Variants in PPFIBP1 observed in about 807,000 individuals in gnomAD.
The protein encoded by PPFIBP1 is PPFIB scaffold protein 1.
A neutral mutation model predicts 137.8 loss-of-function variants in PPFIBP1; 112 were observed. The ratio of observed to expected loss-of-function variants is 0.81; its 90% CI spans 0.70 to 0.95. The LOEUF is 0.95. Among genes scored for constraint, PPFIBP1 ranks in the 40% least tolerant of loss-of-function variants. The pLI is 0.00. For synonymous variants in PPFIBP1, 378 were observed against 417.3 expected, an observed-to-expected ratio of 0.91 and a Z score of 1.15; for missense variants, 1,083 against 1,196.6, an observed-to-expected ratio of 0.91 and a Z score of 1.40.
intron 2 of PPFIBP1, among the ~76,000 whole-genome samples, chr12:27,629,220 A>G (rs1175420555): frequency 6.6e-6 from 1 of 152,218 alleles, no homozygotes; most frequent in African/African-American, 2.4e-5. Context: ...TTCAACATTT[A>G]GCCAACAATG....
intron 6 of PPFIBP1, among the ~76,000 whole-genome samples, chr12:27,648,765 C>T (rs1359739737): frequency 1.3e-5 from 2 of 152,220 alleles, no homozygotes; most frequent in East Asian, 1.9e-4. Context: ...AAACATCTCA[C>T]GTTCTTACTT....
intron 1 of PPFIBP1, among the ~76,000 whole-genome samples, chr12:27,574,366 T>C (rs2050391336): frequency 6.6e-6 from 1 of 152,088 alleles, no homozygotes; most frequent in South Asian, 2.1e-4. Context: ...AGATTTAGAG[T>C]CTCTCTGCTA....
At chr12:27,654,857 C>A in intron 8 of PPFIBP1, 43 bp downstream of exon 8, 1 of 1,584,880 alleles carries the variant, frequency 6.3e-7, no homozygotes, top group Non-Finnish European at 8.6e-7. Flanking sequence ...CAAATGGCAT[C>A]ACTATTCATC....
intron 22 of PPFIBP1, 109 bp downstream of exon 22, chr12:27,681,805 T>G: frequency 7.8e-7 from 1 of 1,290,046 alleles, no homozygotes; most frequent in South Asian, 1.6e-5. Flanking sequence ...CAGTAAAAAC[T>G]CTGTAAACAA....
chr12:27,554,758 C>A (rs920253242), intron 1 of PPFIBP1, among the ~76,000 whole-genome samples: 4 of 151,978 alleles, frequency 2.6e-5, no homozygotes, highest in African/African-American at 9.7e-5. Context: ...TGTCGGAGAT[C>A]CTACATCTGG....
At chr12:27,664,926 G>A (rs1000666778) in intron 12 of PPFIBP1, among the ~76,000 whole-genome samples, 2 of 152,126 alleles carry the variant, frequency 1.3e-5, no homozygotes, top group Admixed American at 6.5e-5. Context: ...GGTGGCCTAC[G>A]GCTGTAATCC....
intron 1 of PPFIBP1, among the ~76,000 whole-genome samples, chr12:27,541,449 A>G (rs2136013013): frequency 6.6e-6 from 1 of 152,224 alleles, no homozygotes; most frequent in Non-Finnish European, 1.5e-5. Flanking sequence ...AGCTGTGACT[A>G]CACCTGGCAA....
chr12:27,629,257 G>A (rs1300293564), intron 2 of PPFIBP1, among the ~76,000 whole-genome samples: 1 of 152,126 alleles, frequency 6.6e-6, no homozygotes, highest in African/African-American at 2.4e-5. Flanking sequence ...TTAAAATAAA[G>A]AACTTAAATG....
At chr12:27,641,518 A>G (rs911934091) in intron 4 of PPFIBP1, among the ~76,000 whole-genome samples, 1 of 152,232 alleles carries the variant, frequency 6.6e-6, no homozygotes, top group Non-Finnish European at 1.5e-5. Flanking sequence ...CATCACGTGC[A>G]TTTCTCTACT....
intron 24 of PPFIBP1, among the ~76,000 whole-genome samples, chr12:27,686,726 G>C (rs559866376): frequency 6.6e-6 from 1 of 152,220 alleles, no homozygotes; most frequent in African/African-American, 2.4e-5. Context: ...CCAAAATTAT[G>C]ATGTGCCTTA....
intron 2 of PPFIBP1, among the ~76,000 whole-genome samples, chr12:27,627,751 A>G (rs949923044): frequency 2.0e-5 from 3 of 151,736 alleles, no homozygotes; most frequent in Non-Finnish European, 2.9e-5. Flanking sequence ...ACCCCATTCA[A>G]ATCTGCTCTA....
intron 9 of PPFIBP1, 102 bp downstream of exon 9, chr12:27,656,832 A>G (rs2059229959): frequency 1.3e-6 from 1 of 780,422 alleles, no homozygotes; most frequent in Admixed American, 2.3e-5. Context: ...AGCATCAAAG[A>G]AAGAGCAGCA....
intron 2 of PPFIBP1, among the ~76,000 whole-genome samples, chr12:27,632,101 T>C (rs1449249796): frequency 1.3e-5 from 2 of 152,200 alleles, no homozygotes; most frequent in African/African-American, 4.8e-5. Flanking sequence ...ATGGTAGTGA[T>C]ATTTTTCACC....
rs76971014 is a variant in PPFIBP1, at chr12:27,669,510, C to T, written c.1147-1921C>T. Among the ~76,000 whole-genome samples, 396 of 152,092 alleles carry T rather than the reference C, an allele frequency of 2.6e-3. 5 individuals are homozygous for T. Among genetic ancestry groups the T allele is most frequent in the African/African-American group, 9.1e-3 (378 of 41,496 alleles). On this transcript the variant is annotated intron_variant, in intron 13 of 29. Coordinates refer to ENST00000228425, the MANE Select transcript of PPFIBP1 (RefSeq NM_003622.4). ...TTTGATGAGGGTTGAGGGAGTTCAG[C>T]GACATTTTTAAAGAAAAGCCAGGAG... is the stretch of plus-strand genomic sequence containing the variant.
chr12:27,611,145 C>T (rs1170823106), intron 2 of PPFIBP1, among the ~76,000 whole-genome samples: 4 of 152,150 alleles, frequency 2.6e-5, no homozygotes, highest in Non-Finnish European at 4.4e-5. Context: ...ATTACTGGGG[C>T]ATGAAAGACA....
chr12:27,678,503 G>C (rs538804621), intron 19 of PPFIBP1, among the ~76,000 whole-genome samples: 3 of 152,312 alleles, frequency 2.0e-5, no homozygotes, highest in South Asian at 4.1e-4. Context: ...AAATGACATA[G>C]AGTCTGAGCT....
intron 13 of PPFIBP1, among the ~76,000 whole-genome samples, chr12:27,669,662 A>G (rs2060062267): frequency 6.6e-6 from 1 of 152,230 alleles, no homozygotes; most frequent in Admixed American, 6.5e-5. Context: ...GGAAACAGTG[A>G]TGATGGCTAA....
chr12:27,685,134 C>T (rs1021123109), intron 24 of PPFIBP1, among the ~76,000 whole-genome samples: 1 of 151,716 alleles, frequency 6.6e-6, no homozygotes, highest in Non-Finnish European at 1.5e-5. Flanking sequence ...TGAATTTGTT[C>T]ACATATATAC....
rs565225698 is a variant in PPFIBP1, at chr12:27,671,503, A to C, written c.1219A>C (p.Lys407Gln). Reference protein sequence around the residue: ...PATVSMETSEKSKLTPKPETS... With the variant: ...PATVSMETSEQSKLTPKPETS... ...AACTGTAAGCATGGAAACTTCTGAA[A>C]AATCAAAGTTGACTCCTAAGCCAGA... Residue 407 changes from lysine to glutamine, a missense_variant, in exon 14 of 30, where the codon AAA becomes CAA. Physicochemically the swap from Lys to Gln is moderately conservative, Grantham distance 53. Coordinates refer to ENST00000228425, the MANE Select transcript of PPFIBP1 (RefSeq NM_003622.4). 3.7e-6 allele frequency: 6 copies of C among 1,603,176 alleles called. No homozygotes were observed. The South Asian group carries it at 6.7e-5, about 18-fold the overall frequency.
Sources: gnomAD v4.1 joint callset for allele counts (sites outside exome capture counted in the v4.1 genomes callset) on GRCh38, gnomAD v4.1.1 for gene constraint, MANE v1.5 for transcripts, NCBI Gene and HGNC (gene_info 2026-07-23, HGNC 2026-07-21) for gene names.